The following TBC1D22A variants were observed in gnomAD, a reference collection of about 807,000 sequenced individuals.
TBC1D22A encodes TBC1 domain family member 22A.
TBC1D22A carries 38 observed loss-of-function variants against 60.2 expected under a neutral mutation model. The ratio of observed to expected loss-of-function variants is 0.63; its 90% confidence interval spans 0.49 to 0.83. The LOEUF (loss-of-function observed/expected upper bound fraction) is 0.83, where lower values mean the gene tolerates loss of function less well. TBC1D22A is among the 40% of genes least tolerant of loss of function. The pLI, the probability that TBC1D22A is intolerant of heterozygous loss-of-function variation, is 0.00. For synonymous variants in TBC1D22A, 302 were observed against 281.7 expected, an observed-to-expected ratio of 1.07 and a Z score of -0.72; for missense variants, 628 against 701.0, an observed-to-expected ratio of 0.90 and a Z score of 1.18.
At chr22:46,887,129 C>T (rs917644430) in intron 5 of TBC1D22A, among the ~76,000 whole-genome samples, 1 of 152,200 alleles carries the variant, frequency 6.6e-6, no homozygotes, top group African/African-American at 2.4e-5. Context: ...ATATGAACAC[C>T]TGTGAATCAG....
chr22:46,893,088 G>A (rs568782738), intron 6 of TBC1D22A, among the ~76,000 whole-genome samples: 2 of 152,220 alleles, frequency 1.3e-5, no homozygotes, highest in East Asian at 1.9e-4. Flanking sequence ...CGTCTGACCC[G>A]CAGTGGGCAA....
chr22:46,912,311 G>C (rs1172668722), intron 8 of TBC1D22A, 123 bp downstream of exon 8: 7 of 635,930 alleles, frequency 1.1e-5, no homozygotes, highest in South Asian at 2.7e-5. Context: ...GGTAATATTA[G>C]AGAATAATAG....
chr22:47,140,570 G>GA (rs1317631522), intron 12 of TBC1D22A, among the ~76,000 whole-genome samples: 10 of 146,250 alleles, frequency 6.8e-5, no homozygotes, highest in Admixed American at 6.7e-4. Flanking sequence ...AAAAAAAAAA[G>GA]AAAGAAAGAA....
chr22:47,136,557 C>G (rs949406755), intron 12 of TBC1D22A, among the ~76,000 whole-genome samples: 1 of 135,864 alleles, frequency 7.4e-6, no homozygotes, highest in African/African-American at 2.6e-5. Context: ...GACCCGGGGA[C>G]GGGGGACCAG....
At chr22:46,800,355 G>A (rs2084843530) in intron 4 of TBC1D22A, among the ~76,000 whole-genome samples, 1 of 152,140 alleles carries the variant, frequency 6.6e-6, no homozygotes, top group Admixed American at 6.5e-5. Context: ...CACCAAGACA[G>A]GAGATAAAGG....
chr22:47,142,933 C>T (rs1179300537), intron 12 of TBC1D22A, among the ~76,000 whole-genome samples: 1 of 139,978 alleles, frequency 7.1e-6, no homozygotes, highest in Non-Finnish European at 1.5e-5. Context: ...TACTCTGTTG[C>T]TCTCAGTCAA....
intron 8 of TBC1D22A, among the ~76,000 whole-genome samples, chr22:46,912,533 A>AGTCAGTCTGTCT (rs1555944738): frequency 3.7e-4 from 57 of 152,068 alleles, no homozygotes; most frequent in African/African-American, 1.4e-3. Context: ...TCAGTCAATC[A>AGTCAGTCTGTCT]GTCTGTCTGT....
At chr22:47,071,015 T>A (rs1385046325) in intron 11 of TBC1D22A, among the ~76,000 whole-genome samples, 2 of 152,266 alleles carry the variant, frequency 1.3e-5, no homozygotes, top group African/African-American at 2.4e-5. Flanking sequence ...TAATTCCATT[T>A]CTGTGAACCT....
chr22:47,018,285 TGTGGA>T (rs1180692331), intron 10 of TBC1D22A, among the ~76,000 whole-genome samples: 1 of 152,238 alleles, frequency 6.6e-6, no homozygotes, highest in Non-Finnish European at 1.5e-5. Flanking sequence ...GCTGGATGCG[TGTGGA>T]TCTGTGCCGT....
At chr22:46,877,485 G>T (rs2067622035) in intron 4 of TBC1D22A, among the ~76,000 whole-genome samples, 1 of 152,202 alleles carries the variant, frequency 6.6e-6, no homozygotes, top group African/African-American at 2.4e-5. Context: ...CATTATTGGT[G>T]TTCAGATATG....
intron 9 of TBC1D22A, among the ~76,000 whole-genome samples, chr22:46,986,692 A>T (rs2074735755): frequency 6.9e-6 from 1 of 145,270 alleles, no homozygotes; most frequent in African/African-American, 2.5e-5. Flanking sequence ...TAGTAAATCA[A>T]TTTTGGATTG....
intron 12 of TBC1D22A, among the ~76,000 whole-genome samples, chr22:47,141,715 C>T (rs1394249107): frequency 6.6e-6 from 1 of 152,170 alleles, no homozygotes; most frequent in Admixed American, 6.5e-5. Context: ...CCTGCTCTTT[C>T]CTACGTTGCT....
intron 4 of TBC1D22A, among the ~76,000 whole-genome samples, chr22:46,870,446 T>C (rs1482236786): frequency 6.6e-6 from 1 of 152,248 alleles, no homozygotes; most frequent in African/African-American, 2.4e-5. Flanking sequence ...TGCTATTTAT[T>C]TCTCATTCAC....
At chr22:47,055,267 G>A (rs1049744538) in intron 11 of TBC1D22A, among the ~76,000 whole-genome samples, 2 of 152,210 alleles carry the variant, frequency 1.3e-5, no homozygotes, top group Non-Finnish European at 2.9e-5. Flanking sequence ...ATAGGAGAAC[G>A]ATGGAGTCAG....
rs538286450 is a variant in TBC1D22A at position 47,138,462 on chromosome 22, G to A, written c.1425+26859G>A. ...GATGACCTGCAGGCTGGGGAGAAGC[G>A]AGCAGTATGTCCTTCTGGAGAAGTG... On this transcript the variant is annotated intron_variant, in intron 12 of 12. Coordinates refer to ENST00000337137, the MANE Select transcript of TBC1D22A (RefSeq NM_014346.5). 1.1e-3 allele frequency among the ~76,000 whole-genome samples: 172 copies of A among 152,266 alleles called. 2 individuals are homozygous for A. The highest frequency in any genetic ancestry group is 6.8e-3 in the Middle Eastern group (2 of 294).
intron 4 of TBC1D22A, 107 bp downstream of exon 4, chr22:46,797,727 C>A: frequency 1.7e-6 from 2 of 1,194,992 alleles, no homozygotes; most frequent in Non-Finnish European, 2.2e-6. Flanking sequence ...CACACGCGTC[C>A]GTGTGTAATT....
chr22:47,159,566 TAC>T (rs140709409), intron 12 of TBC1D22A, among the ~76,000 whole-genome samples: 4 of 149,190 alleles, frequency 2.7e-5, no homozygotes, highest in Non-Finnish European at 5.9e-5. Context: ...ACACACACAC[TAC>T]ACACACACCA....
At chr22:46,969,650 C>T (rs2148107361) in intron 8 of TBC1D22A, among the ~76,000 whole-genome samples, 1 of 152,274 alleles carries the variant, frequency 6.6e-6, no homozygotes. Flanking sequence ...GCTGTGGGAG[C>T]CTCTTCTGCC....
At chr22:46,830,162 C>T (rs577475499) in intron 4 of TBC1D22A, among the ~76,000 whole-genome samples, 3 of 152,166 alleles carry the variant, frequency 2.0e-5, no homozygotes, top group Non-Finnish European at 2.9e-5. Flanking sequence ...TCAGGCGTGC[C>T]GCACCCAAGG....
Sources: gnomAD v4.1 joint callset for allele counts (sites outside exome capture counted in the v4.1 genomes callset) on GRCh38, gnomAD v4.1.1 for gene constraint, MANE v1.5 for transcripts, NCBI Gene and HGNC (gene_info 2026-07-23, HGNC 2026-07-21) for gene names.